The following SOX5 variants were observed in gnomAD, a reference collection of about 807,000 sequenced individuals.
SOX5 encodes the protein transcription factor SOX-5.
A neutral mutation model predicts 92.0 loss-of-function variants in SOX5; 9 were observed. That is an observed-to-expected ratio of 0.10 (90% CI 0.06 to 0.17). SOX5 has a LOEUF of 0.17. Among genes scored for constraint, SOX5 ranks in the 10% least tolerant of loss-of-function variants. SOX5 has a pLI of 1.00. For missense variants in SOX5, 642 were observed against 944.5 expected, an observed-to-expected ratio of 0.68 and a Z score of 4.20; for synonymous variants, 344 against 336.3, an observed-to-expected ratio of 1.02 and a Z score of -0.25.
intron 9 of SOX5, chr12:23,604,062 G>C (rs550183028): frequency 2.4e-5 from 5 of 211,584 alleles, no homozygotes; most frequent in Admixed American, 2.0e-4. Context: ...TTGTATCATA[G>C]AGTATGGCTA....
At chr12:24,420,979 C>A (rs963690424) in intron 1 of SOX5, among the ~76,000 whole-genome samples, 2 of 151,606 alleles carry the variant, frequency 1.3e-5, no homozygotes, top group African/African-American at 2.4e-5. Flanking sequence ...AACTTGGATT[C>A]TTTAGCAGAT....
chr12:23,658,603 C>T (rs999559637), intron 7 of SOX5, among the ~76,000 whole-genome samples: 1 of 152,096 alleles, frequency 6.6e-6, no homozygotes, highest in Non-Finnish European at 1.5e-5. Context: ...ACAAAAAATA[C>T]AGAAACCAGC....
chr12:24,416,018 T>C (rs1043706467), intron 1 of SOX5, among the ~76,000 whole-genome samples: 1 of 152,134 alleles, frequency 6.6e-6, no homozygotes, highest in Non-Finnish European at 1.5e-5. Context: ...ATCCTGGACA[T>C]TGAAATTCTT....
chr12:24,318,997 T>C (rs887205682), intron 2 of SOX5, among the ~76,000 whole-genome samples: 3 of 152,182 alleles, frequency 2.0e-5, no homozygotes, highest in Non-Finnish European at 4.4e-5. Flanking sequence ...CCACAAGGCA[T>C]ATCCTCCTTC....
chr12:24,487,550 T>G (rs949601149), intron 1 of SOX5, among the ~76,000 whole-genome samples: 1 of 152,200 alleles, frequency 6.6e-6, no homozygotes, highest in African/African-American at 2.4e-5. Context: ...AATTTTTCCC[T>G]AATATTATTT....
In SOX5 at chr12:24,510,421, T is replaced by G. The variant is rs192571035; in HGVS notation, c.-251+51908A>C. On this transcript the variant is annotated intron_variant, in intron 1 of 4. Coordinates refer to the SOX5 transcript ENST00000446891. ...AATCAACTGGTTCCAATTTTCAAAT[T>G]TTTAATGATCTTGAAAGAGTTATGC... Among the ~76,000 whole-genome samples, 565 of 152,360 alleles carry G rather than the reference T, an allele frequency of 3.7e-3. 1 individual carries two copies. The highest frequency in any genetic ancestry group is 0.012 in the African/African-American group (500 of 41,586).
chr12:24,324,096 G>T (rs1950455438), intron 2 of SOX5, among the ~76,000 whole-genome samples: 1 of 152,108 alleles, frequency 6.6e-6, no homozygotes. Context: ...TAGAAAGGAA[G>T]AAATAATTAT....
At chr12:23,796,586 T>C (rs56166188) in intron 3 of SOX5, among the ~76,000 whole-genome samples, 17,998 of 151,958 alleles carry the variant, frequency 0.12, 1,225 homozygotes, top group Non-Finnish European at 0.15. Flanking sequence ...TACTAGGAAC[T>C]AGGTAGGAGG....
chr12:24,217,221 C>T (rs755723823), intron 3 of SOX5, among the ~76,000 whole-genome samples: 18 of 152,156 alleles, frequency 1.2e-4, no homozygotes, highest in Non-Finnish European at 2.2e-4. Flanking sequence ...TTCTGCCAAG[C>T]AGAAATAAGG....
chr12:24,304,058 T>C (rs1948295786), intron 2 of SOX5, among the ~76,000 whole-genome samples: 1 of 152,178 alleles, frequency 6.6e-6, no homozygotes, highest in African/African-American at 2.4e-5. Flanking sequence ...CACAAAAATA[T>C]ATGTCAGAAC....
chr12:24,471,326 T>C (rs1327155991), intron 1 of SOX5, among the ~76,000 whole-genome samples: 2 of 152,170 alleles, frequency 1.3e-5, no homozygotes, highest in Non-Finnish European at 2.9e-5. Flanking sequence ...ACCACCTAAG[T>C]AGAAATTTAT....
chr12:23,687,354 T>C (rs956248559), intron 6 of SOX5, among the ~76,000 whole-genome samples: 1 of 152,004 alleles, frequency 6.6e-6, no homozygotes, highest in Non-Finnish European at 1.5e-5. Context: ...TATATAAATA[T>C]ATGTGTATAC....
chr12:23,970,841 A>ATATAATT, intron 4 of SOX5, among the ~76,000 whole-genome samples: 1 of 21,878 alleles, frequency 4.6e-5, no homozygotes, highest in African/African-American at 1.2e-4. Context: ...TATATATATA[A>ATATAATT]TTTTTTTTTT....
intron 4 of SOX5, among the ~76,000 whole-genome samples, chr12:24,044,380 T>C (rs1464588091): frequency 6.6e-6 from 1 of 152,196 alleles, no homozygotes; most frequent in African/African-American, 2.4e-5. Context: ...GCCAAAATAT[T>C]GCTGCCTTTT....
intron 1 of SOX5, among the ~76,000 whole-genome samples, chr12:24,378,722 T>A (rs1277676102): frequency 6.6e-6 from 1 of 152,224 alleles, no homozygotes; most frequent in Non-Finnish European, 1.5e-5. Flanking sequence ...AAAGTGGAGC[T>A]ATGACATCTC....
chr12:23,831,050 T>C (rs2096308850), intron 3 of SOX5, among the ~76,000 whole-genome samples: 1 of 152,108 alleles, frequency 6.6e-6, no homozygotes, highest in Admixed American at 6.6e-5. Context: ...ATACCTTCTT[T>C]AGCACCCATA....
At chr12:23,733,264 T>C (rs1010061329) in intron 6 of SOX5, among the ~76,000 whole-genome samples, 1 of 152,206 alleles carries the variant, frequency 6.6e-6, no homozygotes, top group African/African-American at 2.4e-5. Context: ...ATTATGGAAT[T>C]ACCTTACTTA....
intron 4 of SOX5, among the ~76,000 whole-genome samples, chr12:24,011,837 G>A (rs1482948672): frequency 2.0e-5 from 3 of 152,138 alleles, no homozygotes; most frequent in East Asian, 1.9e-4. Flanking sequence ...CTTCCTAAAC[G>A]AATGAGTATT....
chr12:24,536,337 C>G (rs919745133), intron 1 of SOX5, among the ~76,000 whole-genome samples: 1 of 152,182 alleles, frequency 6.6e-6, no homozygotes, highest in African/African-American at 2.4e-5. Flanking sequence ...TAACAGCTGA[C>G]AGCACCTAGA....
Sources: allele counts gnomAD v4.1 joint callset (sites outside exome capture counted in the v4.1 genomes callset), GRCh38; gene constraint gnomAD v4.1.1; transcripts MANE v1.5; gene names NCBI Gene and HGNC (gene_info 2026-07-23, HGNC 2026-07-21).